The following CERS1 variants were observed in gnomAD, a reference collection of about 807,000 sequenced individuals.
CERS1 encodes the protein ceramide synthase 1, also known as Embryonic growth/differentiation factor 1.
CERS1 carries 16 observed loss-of-function variants against 35.7 expected under a neutral mutation model. That is an observed-to-expected ratio of 0.45 (90% CI 0.30 to 0.68). CERS1 has a LOEUF of 0.68. Among genes scored for constraint, CERS1 ranks in the 30% least tolerant of loss-of-function variants. CERS1 has a pLI of 0.08. For missense variants in CERS1, 454 were observed against 453.9 expected, an observed-to-expected ratio of 1.00 and a Z score of 0.00; for synonymous variants, 243 against 201.6, an observed-to-expected ratio of 1.21 and a Z score of -1.74.
At position 18,884,078 on chromosome 19, in the gene CERS1, T is replaced by A; in HGVS notation, c.590+9A>T. On this transcript the variant is annotated intron_variant, in intron 3 of 7. Transcript: ENST00000623882. ...GCCTCGGCCCCCTGCCACCCGATCC[T>A]GTCCTTACCGGAAGGCGTAGGAGGA... The A allele has an allele frequency of 6.2e-7, 1 of 1,610,132 alleles. No individual in the cohort carries two copies. The highest frequency in any genetic ancestry group is 1.1e-5 in the South Asian group (1 of 90,698).
At position 18,870,467 on chromosome 19, in the gene CERS1, G is replaced by A. The variant is rs886224872; in HGVS notation, c.*110C>T. ...GGGGCGGGGTCCCAGGGGAGGTGGC[G>A]GCGGCCCTAGAGGAGCAGAGTTGGA... On this transcript the variant is annotated 3_prime_UTR_variant, in exon 7 of 8. Transcript: ENST00000623882. The surrounding 1 kb of genome is among the most constrained non-coding windows in gnomAD (Gnocchi z 5.1). 2.7e-5 allele frequency: 20 copies of A among 730,804 alleles called. No individual in the cohort carries two copies. The highest frequency in any genetic ancestry group is 3.7e-5 in the African/African-American group (2 of 53,790). The allele number at this position is 730,804 out of a possible 1,614,324, so 45.3% of individuals were successfully genotyped here. A position where few individuals can be genotyped will look rare whatever the true frequency, so the allele number is the denominator to read the frequency against.
intron 6 of CERS1, among the ~76,000 whole-genome samples, chr19:18,876,697 T>TTTAGA (rs1186981648): frequency 6.6e-6 from 1 of 152,084 alleles, no homozygotes; most frequent in Non-Finnish European, 1.5e-5. Flanking sequence ...ACTTTTTTAT[T>TTTAGA]TTAGATTAAT....
chr19:18,874,533 A>C (rs985714524), intron 6 of CERS1, among the ~76,000 whole-genome samples: 1 of 152,180 alleles, frequency 6.6e-6, no homozygotes, highest in Non-Finnish European at 1.5e-5. Flanking sequence ...GGATTTACGG[A>C]GCATTGAGTG....
Position 18,880,431 on chromosome 19 carries a change from G to A in CERS1, c.595C>T (p.His199Tyr). ...LIVSSYAFRY[H>Y]NVGILVLFLH... ...AAGAGCACAAGGATGCCCACATTGT[G>A]GTACCTGGGGGAGCAGCAGGCAGAG... is the stretch of plus-strand genomic sequence containing the variant. The change falls in exon 4 of 8, where the codon CAC becomes TAC. Residue 199 changes from histidine (H) to tyrosine (Y), a missense_variant. Physicochemically the swap from His to Tyr is moderately conservative, Grantham distance 83 (BLOSUM62 2). Transcript: ENST00000623882. 6.3e-7 allele frequency: 1 copy of A among 1,580,902 alleles called. No homozygotes were observed. Among genetic ancestry groups the A allele is most frequent in the Non-Finnish European group, 8.6e-7 (1 of 1,160,998 alleles).
chr19:18,896,376 C>A (rs1332074910), upstream of CERS1, among the ~76,000 whole-genome samples: 1 of 151,468 alleles, frequency 6.6e-6, no homozygotes. This position sits in a 1 kb window ranked among gnomAD's most constrained non-coding sequence, Gnocchi z 5.9. Context: ...CCGCGCACCG[C>A]CGTGTCGCGC....
At position 18,880,262 on chromosome 19, in the gene CERS1, C is replaced by T. The variant is rs2056170306; in HGVS notation, c.752+12G>A. 1 of 1,545,218 alleles carries T rather than the reference C, an allele frequency of 6.5e-7. No individual in the cohort carries two copies. The highest frequency in any genetic ancestry group is 2.0e-5 in the Admixed American group (1 of 50,800). ...ACACCTCCCTCCCTGCCCAGCACTC[C>T]CTACCACTCACCAGCTGAAGCCGAA... On this transcript the variant is annotated intron_variant, in intron 4 of 7. Transcript: ENST00000623882.
At chr19:18,894,121 G>T (rs2056566086) in intron 1 of CERS1, among the ~76,000 whole-genome samples, 1 of 151,724 alleles carries the variant, frequency 6.6e-6, no homozygotes, top group Admixed American at 6.6e-5. Context: ...TGAAAGGGGA[G>T]GAGGGGCTGG....
Position 18,870,715 on chromosome 19 carries a change from C to T in CERS1, c.1011-96G>A. 1 of 476,008 alleles carries T rather than the reference C, an allele frequency of 2.1e-6. No individual in the cohort carries two copies. The highest frequency in any genetic ancestry group is 3.8e-6 in the Non-Finnish European group (1 of 262,610). 29.5% of individuals were successfully genotyped at this position (476,008 alleles called of 1,614,324 possible). A position where few individuals can be genotyped will look rare whatever the true frequency, so the allele number is the denominator to read the frequency against. On this transcript the variant is annotated intron_variant, in intron 6 of 7. Transcript: ENST00000623882. This position sits in a 1 kb window ranked among gnomAD's most constrained non-coding sequence, Gnocchi z 5.1. ...TCTCTGGCCGTTTCACACCCCCTGG[C>T]TCCTTTTACCCGGCCAGGCCCGGGC...
chr19:18,879,112 C>T (rs1460484392), intron 5 of CERS1, 73 bp from the exon 6 acceptor site: 4 of 1,588,792 alleles, frequency 2.5e-6, no homozygotes, highest in African/African-American at 2.7e-5. Context: ...GCCATGTGCT[C>T]CTGTCCCGGG....
Position 18,869,227 on chromosome 19 carries a change from C to T in CERS1, c.*758G>A. The T allele has an allele frequency of 7.2e-7, 1 of 1,381,314 alleles. No homozygotes were observed. The highest frequency in any genetic ancestry group is 9.3e-7 in the Non-Finnish European group (1 of 1,078,522). The allele number at this position is 1,381,314 out of a possible 1,614,324, so 85.6% of individuals were successfully genotyped here. A position where few individuals can be genotyped will look rare whatever the true frequency, so the allele number is the denominator to read the frequency against. ...GGCCCGCTTGCGCCACGCTCAGCTC[C>T]CAGCCGCCCTCCGGGGCTGCCGCCG... On this transcript the variant is annotated 3_prime_UTR_variant, in exon 8 of 8. Coordinates refer to ENST00000623882, the MANE Select transcript of CERS1 (RefSeq NM_021267.5).
rs1266249576 is a variant in CERS1, at chr19:18,870,874, A to G, written c.1011-255T>C. On this transcript the variant is annotated intron_variant, in intron 6 of 7. Coordinates refer to ENST00000623882, the MANE Select transcript of CERS1 (RefSeq NM_021267.5). The surrounding 1 kb of genome is among the most constrained non-coding windows in gnomAD (Gnocchi z 5.1). ...CTTCCTCCTTGCTTCCCCCTCTCCA[A>G]TTAAACCTTCCTCTTCCCCTCCTCC... 6.6e-6 allele frequency among the ~76,000 whole-genome samples: 1 copy of G among 150,744 alleles called. No homozygotes were observed. The highest frequency in any genetic ancestry group is 1.5e-5 in the Non-Finnish European group (1 of 67,624).
intron 2 of CERS1, 133 bp downstream of exon 2, chr19:18,893,283 T>TA: frequency 4.1e-6 from 4 of 974,070 alleles, no homozygotes; most frequent in Non-Finnish European, 6.0e-6. Flanking sequence ...GGCGTGCTCA[T>TA]AGCTCCCCTT....
intron 1 of CERS1, among the ~76,000 whole-genome samples, chr19:18,894,138 A>G (rs939404314): frequency 6.6e-6 from 1 of 151,722 alleles, no homozygotes; most frequent in African/African-American, 2.4e-5. Flanking sequence ...CTGGAGGCAG[A>G]AAAAGGGGAC....
chr19:18,894,588 G>T (rs968530), intron 1 of CERS1, among the ~76,000 whole-genome samples: 1 of 151,890 alleles, frequency 6.6e-6, no homozygotes, highest in African/African-American at 2.4e-5. Context: ...GGTGGGGGAC[G>T]GCTTGCCCTC....
rs1271581824 is a variant in CERS1, at chr19:18,895,959, C to T, written c.114G>A (p.Thr38=). 3.7e-6 allele frequency: 4 copies of T among 1,091,190 alleles called. No individual in the cohort carries two copies. In the South Asian group the frequency reaches 9.6e-5, roughly 26 times the overall value. 67.6% of individuals were successfully genotyped at this position (1,091,190 alleles called of 1,614,324 possible). Reference sequence around the variant, plus strand: ...GACGCGCCAGCCCCCAGCCGCAGTCCGTGCAGCCCCGCGCCGCCGCCAGCG... The same window carrying T: ...GACGCGCCAGCCCCCAGCCGCAGTCTGTGCAGCCCCGCGCCGCCGCCAGCG... ...GSALAAARGC[T]DCGWGLARRG... is the part of the protein sequence containing the mutation. Residue 38 remains threonine (T), a synonymous_variant, in exon 1 of 8, where the codon ACG becomes ACA. Transcript: ENST00000623882. This position sits in a 1 kb window ranked among gnomAD's most constrained non-coding sequence, Gnocchi z 6.4.
intron 6 of CERS1, among the ~76,000 whole-genome samples, chr19:18,873,488 G>C (rs73526927): frequency 0.012 from 1,878 of 152,060 alleles, 40 homozygotes; most frequent in African/African-American, 0.042. Context: ...CCTGACCCTA[G>C]GAGTTTGAGA....
upstream of CERS1, among the ~76,000 whole-genome samples, chr19:18,896,908 G>C (rs2056633701): frequency 7.3e-6 from 1 of 136,208 alleles, no homozygotes; most frequent in Admixed American, 8.2e-5. This position sits in a 1 kb window ranked among gnomAD's most constrained non-coding sequence, Gnocchi z 5.9. Context: ...ACTTGCTGCT[G>C]TGACCCTGGG....
chr19:18,868,618 C>T lies in CERS1; in HGVS notation c.*1367G>A, dbSNP rs1568289154. On this transcript the variant is annotated 3_prime_UTR_variant, in exon 8 of 8. Coordinates refer to ENST00000623882, the MANE Select transcript of CERS1 (RefSeq NM_021267.5). ...CGGGTTAGCGGCAGCCGCACTCGTC[C>T]ACCACCATGTCCTCATACTGCCGCA... is the stretch of plus-strand genomic sequence containing the variant. 6.4e-7 allele frequency: 1 copy of T among 1,567,380 alleles called. No homozygotes were observed. Among genetic ancestry groups the T allele is most frequent in the Non-Finnish European group, 8.6e-7 (1 of 1,156,230 alleles).
Position 18,895,998 on chromosome 19 carries a change from G to T in CERS1, c.75C>A (p.Arg25=), listed in dbSNP as rs920203172. 4 of 1,032,152 alleles carry T rather than the reference G, an allele frequency of 3.9e-6. No individual in the cohort carries two copies. Among genetic ancestry groups the T allele is most frequent in the Non-Finnish European group, 4.6e-6 (4 of 861,028 alleles). 63.9% of individuals were successfully genotyped at this position (1,032,152 alleles called of 1,614,324 possible). Residue 25 remains arginine (R), a synonymous_variant, in exon 1 of 8, where the codon CGC becomes CGA. Coordinates refer to ENST00000623882, the MANE Select transcript of CERS1 (RefSeq NM_021267.5). This position sits in a 1 kb window ranked among gnomAD's most constrained non-coding sequence, Gnocchi z 6.4. The part of the protein sequence containing the change: ...PMPSYAQLVQ[R]GWGSALAAAR... ...CCGCCGCCAGCGCGCTGCCCCAGCC[G>T]CGCTGCACTAGCTGCGCGTAGCTCG...
Sources: gnomAD v4.1 joint callset for allele counts (sites outside exome capture counted in the v4.1 genomes callset) on GRCh38, gnomAD v4.1.1 for gene constraint, Gnocchi (gnomAD v3.1) non-coding constraint, MANE v1.5 for transcripts, NCBI Gene and HGNC (gene_info 2026-07-23, HGNC 2026-07-21) for gene names.